Variants in GPLD1 observed in about 807,000 individuals in gnomAD.
GPLD1 encodes the protein glycosylphosphatidylinositol specific phospholipase D1, also known as phosphatidylinositol-glycan-specific phospholipase D.
GPLD1 carries 84 observed loss-of-function variants against 112.6 expected under a neutral mutation model. The observed-to-expected ratio is 0.75, with a 90% CI of 0.63 to 0.89. The LOEUF (loss-of-function observed/expected upper bound fraction) is 0.89, where lower values mean the gene tolerates loss of function less well. Among genes scored for constraint, GPLD1 ranks in the 40% least tolerant of loss-of-function variants. The pLI, the probability that GPLD1 is intolerant of heterozygous loss-of-function variation, is 0.00. For missense variants in GPLD1, 1,044 were observed against 1,051.5 expected, an observed-to-expected ratio of 0.99 and a Z score of 0.10; for synonymous variants, 386 against 403.8, an observed-to-expected ratio of 0.96 and a Z score of 0.53.
intron 2 of GPLD1, among the ~76,000 whole-genome samples, chr6:24,483,119 G>A (rs1764258781): frequency 6.6e-6 from 1 of 151,986 alleles, no homozygotes; most frequent in Non-Finnish European, 1.5e-5. Flanking sequence ...CTCGAGGTCA[G>A]GAGTTTAAGA....
At chr6:24,492,834 A>G (rs917655442), upstream of GPLD1, among the ~76,000 whole-genome samples, 9 of 152,232 alleles carry the variant, frequency 5.9e-5, no homozygotes, top group South Asian at 2.1e-4. Flanking sequence ...TCTAAGCTCC[A>G]GGCGCTTTTG....
intron 12 of GPLD1, among the ~76,000 whole-genome samples, chr6:24,459,905 C>T (rs1277608908): frequency 6.6e-6 from 1 of 152,096 alleles, no homozygotes; most frequent in African/African-American, 2.4e-5. Context: ...CATATGGATG[C>T]CAAGAGTATT....
chr6:24,451,086 C>T (rs1763064322), intron 14 of GPLD1, among the ~76,000 whole-genome samples: 1 of 152,224 alleles, frequency 6.6e-6, no homozygotes, highest in South Asian at 2.1e-4. Context: ...CCGCACTGGA[C>T]AGCACAGCTA....
chr6:24,492,901 T>C (rs377584702), upstream of GPLD1, among the ~76,000 whole-genome samples: 77 of 152,266 alleles, frequency 5.1e-4, 1 homozygote, highest in African/African-American at 1.8e-3. Flanking sequence ...GAAATCACAT[T>C]TTACATCTGC....
chr6:24,495,114 G>T, exon 1 of GPLD1: 1 of 1,311,938 alleles, frequency 7.6e-7, no homozygotes, highest in Non-Finnish European at 9.6e-7. Context: ...GCCTGCGCCC[G>T]GCCCGGCCCA....
At chr6:24,465,081 T>C (rs946105878) in intron 10 of GPLD1, among the ~76,000 whole-genome samples, 3 of 149,902 alleles carry the variant, frequency 2.0e-5, no homozygotes, top group Admixed American at 6.7e-5. Flanking sequence ...CCTGTAGTCA[T>C]AACTACTCGG....
intron 12 of GPLD1, among the ~76,000 whole-genome samples, chr6:24,458,738 G>A (rs1460111613): frequency 2.6e-5 from 4 of 152,132 alleles, no homozygotes; most frequent in Admixed American, 2.6e-4. Flanking sequence ...AAGTAGCTGG[G>A]CATGGTGGCG....
rs1762594118 is a variant in GPLD1, at chr6:24,436,853, G to A, written c.2198-117C>T. On this transcript the variant is annotated intron_variant, in intron 21 of 24. Coordinates refer to ENST00000230036, the MANE Select transcript of GPLD1 (RefSeq NM_001503.4). ...ACAAATAATATTAGTATCTCCTTTAGTCGGCTGTGATTTCATCCTGGCAAA... is the reference window on the plus strand; with the variant it reads ...ACAAATAATATTAGTATCTCCTTTAATCGGCTGTGATTTCATCCTGGCAAA... 5 of 1,031,978 alleles carry A rather than the reference G, an allele frequency of 4.8e-6. No homozygotes were observed. The East Asian group carries it at 1.0e-4, about 21-fold the overall frequency. The allele number at this position is 1,031,978 out of a possible 1,614,324, so 63.9% of individuals were successfully genotyped here.
At chr6:24,435,836 A>AATAAAAAAAAATAAAAAAAAAAAT in intron 22 of GPLD1, 1 of 146,640 alleles carries the variant, frequency 6.8e-6, no homozygotes, top group Non-Finnish European at 1.5e-5. Flanking sequence ...AAAAAAAAAA[A>AATAAAAAAAAATAAAAAAAAAAAT]AAAAAAAAAA....
intron 12 of GPLD1, 137 bp downstream of exon 12, chr6:24,460,142 C>T (rs1763387757): frequency 3.1e-6 from 3 of 961,546 alleles, no homozygotes; most frequent in Admixed American, 4.1e-5. Context: ...AAGGGATCCT[C>T]TCAACTCAGC....
Position 24,449,893 on chromosome 6 carries a change from C to G in GPLD1, c.1342G>C (p.Gly448Arg), listed in dbSNP as rs748552053. 20 of 1,612,158 alleles carry G rather than the reference C, an allele frequency of 1.2e-5. No individual in the cohort carries two copies. Among genetic ancestry groups the G allele is most frequent in the Non-Finnish European group, 1.6e-5 (19 of 1,178,636 alleles). Residue 448 changes from glycine to arginine, a missense_variant, in exon 15 of 25, where the codon GGT (glycine) becomes CGT (arginine). By Grantham distance (125) the Gly-to-Arg change is moderately radical. Transcript: ENST00000230036. ...ACAGCCAAGGCCGAGCCAAACCGAC[C>G]TGAGGGCTGAAGAGGCACAAGTTTA... ...HRILEGFQPS[G>R]RFGSALAVLD... is the part of the protein sequence containing the mutation.
In GPLD1 at chr6:24,437,116, A is replaced by C. The variant is rs1139477; in HGVS notation, c.2194T>G (p.Leu732Val). ...LHLSDLDDDG[L>V]DEIIMAAPLR... is the part of the protein sequence containing the mutation. The stretch of plus-strand genomic sequence containing the variant: ...AAGGGTCCTGTTCCTTTCTTACCTA[A>C]GCCATCATCATCCAGGTCACTCAAG... The change falls in exon 21 of 25, where the codon TTA becomes GTA. Residue 732 changes from leucine to valine, a missense_variant. Physicochemically the swap from Leu to Val is conservative, Grantham distance 32. Transcript: ENST00000230036. 6.2e-7 allele frequency: 1 copy of C among 1,613,956 alleles called. No homozygotes were observed. The highest frequency in any genetic ancestry group is 8.5e-7 in the Non-Finnish European group (1 of 1,179,800).
chr6:24,431,942 T>G (rs534301561), intron 24 of GPLD1, among the ~76,000 whole-genome samples: 2 of 152,162 alleles, frequency 1.3e-5, no homozygotes, highest in Non-Finnish European at 2.9e-5. Flanking sequence ...TGCTCAATTA[T>G]AAAAAGCTAC....
In GPLD1 at chr6:24,433,243, A is replaced by G. The variant is rs1333927355; in HGVS notation, c.2386-6T>C. ...CTCCCAAACCTTGAGCTGGCCTGTA[A>G]AACATGCCGTCTGTTAATGGGCTTT... On this transcript the variant is annotated splice_region_variant and splice_polypyrimidine_tract_variant and intron_variant, in intron 23 of 24. Transcript: ENST00000230036. 3.1e-6 allele frequency: 5 copies of G among 1,611,806 alleles called. No homozygotes were observed. Among genetic ancestry groups the G allele is most frequent in the Non-Finnish European group, 3.4e-6 (4 of 1,177,888 alleles).
At chr6:24,455,264 C>G (rs1763230410) in intron 13 of GPLD1, among the ~76,000 whole-genome samples, 1 of 152,208 alleles carries the variant, frequency 6.6e-6, no homozygotes, top group African/African-American at 2.4e-5. Context: ...TAGCTGCCAG[C>G]CCAGCAGGAG....
At chr6:24,447,723 C>T in intron 17 of GPLD1, 154 bp downstream of exon 17, 2 of 729,666 alleles carry the variant, frequency 2.7e-6, no homozygotes, top group Non-Finnish European at 4.4e-6. Context: ...CTATGCACAT[C>T]ACTTGCCAAC....
At chr6:24,458,592 G>T (rs1763337347) in intron 12 of GPLD1, among the ~76,000 whole-genome samples, 2 of 152,206 alleles carry the variant, frequency 1.3e-5, no homozygotes, top group South Asian at 4.1e-4. Context: ...TAAAAAAATT[G>T]TTAAAGCCGG....
rs565402772 is a variant in GPLD1 at position 24,452,280 on chromosome 6, G to A, written c.1335+1735C>T. On this transcript the variant is annotated intron_variant, in intron 14 of 24. Transcript: ENST00000230036. ...CAACAGTCTGTCGGGGAAAGGCTTTGTAGAGAAGTAAGAAGCAACAAGATT... is the reference window on the plus strand; with the variant it reads ...CAACAGTCTGTCGGGGAAAGGCTTTATAGAGAAGTAAGAAGCAACAAGATT... Among the ~76,000 whole-genome samples the A allele has an allele frequency of 1.3e-4, 20 of 152,306 alleles. No homozygotes were observed. In the East Asian group the frequency reaches 3.9e-3, roughly 29 times the overall value.
Position 24,428,990 on chromosome 6 carries a change from G to T in GPLD1, c.*42C>A. 7.5e-7 allele frequency: 1 copy of T among 1,341,868 alleles called. No individual in the cohort carries two copies. The highest frequency in any genetic ancestry group is 1.1e-6 in the Non-Finnish European group (1 of 938,756). The allele number at this position is 1,341,868 out of a possible 1,614,324, so 83.1% of individuals were successfully genotyped here. On this transcript the variant is annotated 3_prime_UTR_variant, in exon 25 of 25. Coordinates refer to ENST00000230036, the MANE Select transcript of GPLD1 (RefSeq NM_001503.4). ...AAATGCTCACCATGGATGTGATTCAGCATGAGAGAGGTGGGCAGAGTGGGG... is the reference window on the plus strand; with the variant it reads ...AAATGCTCACCATGGATGTGATTCATCATGAGAGAGGTGGGCAGAGTGGGG...
Sources: allele counts gnomAD v4.1 joint callset (sites outside exome capture counted in the v4.1 genomes callset), GRCh38; gene constraint gnomAD v4.1.1; transcripts MANE v1.5; gene names NCBI Gene and HGNC (gene_info 2026-07-23, HGNC 2026-07-21).